The following MPHOSPH8 variants were observed in gnomAD, a reference collection of about 807,000 sequenced individuals.
MPHOSPH8 encodes M-phase phosphoprotein 8.
MPHOSPH8 carries 45 observed loss-of-function variants against 87.3 expected under a neutral mutation model. That is an observed-to-expected ratio of 0.52 (90% confidence interval 0.41 to 0.66). The LOEUF (loss-of-function observed/expected upper bound fraction) is 0.66. Among genes scored for constraint, MPHOSPH8 ranks in the 30% least tolerant of loss-of-function variants. The probability of loss-of-function intolerance (pLI) is 0.00; values close to 1 mark genes in which losing one functional copy is unlikely to be tolerated. For synonymous variants in MPHOSPH8, 366 were observed against 376.9 expected (o/e 0.97, Z 0.33); for missense variants, 883 against 1,020.2 (o/e 0.87, Z 1.83).
intron 3 of MPHOSPH8, among the ~76,000 whole-genome samples, chr13:19,647,566 C>G (rs1874634240): frequency 6.6e-6 from 1 of 152,134 alleles, no homozygotes; most frequent in Admixed American, 6.6e-5. Context: ...ATTGTATACT[C>G]AGGTTTATAG....
At chr13:19,669,047 G>C (rs184787821) in intron 11 of MPHOSPH8, among the ~76,000 whole-genome samples, 1 of 152,210 alleles carries the variant, frequency 6.6e-6, no homozygotes, top group East Asian at 1.9e-4. Context: ...CCGGGCTCTG[G>C]CTTTTTTTGC....
At chr13:19,648,604 A>T (rs920751789) in intron 4 of MPHOSPH8, 83 bp downstream of exon 4, 1 of 560,872 alleles carries the variant, frequency 1.8e-6, no homozygotes, top group Non-Finnish European at 2.7e-6. Context: ...TTATATAAAA[A>T]TTTATATAAT....
At chr13:19,670,091 CAGCCTCCTCTG>C (rs748675936) in intron 11 of MPHOSPH8, 134 bp from the exon 12 acceptor site, 1 of 909,214 alleles carries the variant, frequency 1.1e-6, no homozygotes, top group Non-Finnish European at 1.7e-6. Flanking sequence ...TTGAGAGGGC[CAGCCTCCTCTG>C]AGCCTCCAGG....
intron 5 of MPHOSPH8, among the ~76,000 whole-genome samples, chr13:19,657,243 C>T (rs906496445): frequency 2.0e-5 from 3 of 150,810 alleles, no homozygotes; most frequent in South Asian, 4.2e-4. Flanking sequence ...GGTCCAGGCA[C>T]GGTGGTTCAC....
In MPHOSPH8 at chr13:19,647,193, G is replaced by C. The variant is rs1874614513; in HGVS notation, c.1120G>C (p.Glu374Gln). 3 of 1,614,212 alleles carry C rather than the reference G, an allele frequency of 1.9e-6. No homozygotes were observed. The highest frequency in any genetic ancestry group is 2.5e-6 in the Non-Finnish European group (3 of 1,180,040). Residue 374 changes from glutamate (E) to glutamine (Q), a missense_variant, in exon 3 of 14, where the codon GAG becomes CAG. By Grantham distance (29) the Glu-to-Gln change is conservative. Around this residue, in one of 3 missense-constraint regions of MPHOSPH8, gnomAD observed 741 missense variants for 841.5 expected, o/e 0.88. Transcript: ENST00000361479. ...RNQDRSKSAA[E>Q]LEKLMPVSAQ... ...TCAAGACAGAAGCAAAAGTGCTGCA[G>C]AGTTAGAGAAGCTGATGCCTGTATC...
chr13:19,659,131 T>C lies in MPHOSPH8; in HGVS notation c.1702+11T>C, dbSNP rs762558642. 19 of 1,612,040 alleles carry C rather than the reference T, an allele frequency of 1.2e-5. No individual in the cohort carries two copies. Among genetic ancestry groups the C allele is most frequent in the South Asian group, 1.1e-4 (10 of 90,340 alleles). Reference sequence around the variant, plus strand: ...ATGCAATTCCAAGTAGTGAGTAGTTTTGGAAATATTGAAATCCCTTTCACA... The same window carrying C: ...ATGCAATTCCAAGTAGTGAGTAGTTCTGGAAATATTGAAATCCCTTTCACA... On this transcript the variant is annotated intron_variant, in intron 6 of 13. Transcript: ENST00000361479.
intron 5 of MPHOSPH8, 76 bp downstream of exon 5, chr13:19,650,336 C>T: frequency 6.9e-7 from 1 of 1,449,438 alleles, no homozygotes; most frequent in Non-Finnish European, 9.3e-7. Context: ...CTCTGTATTT[C>T]TGATCTCAAC....
Position 19,668,435 on chromosome 13 carries a change from C to T in MPHOSPH8, c.2233C>T (p.Leu745=). The change falls in exon 11 of 14, where the codon CTA becomes TTA. Residue 745 remains leucine (L), a synonymous_variant. Transcript: ENST00000361479. ...TTACTTTGAAGCTCGCCTTGCTCTG[C>T]TAGAACCAGTTTTTCCAATCGCATG... ...KDYFEARLAL[L]EPVFPIACHR... is the part of the protein sequence containing the mutation. 6.2e-7 allele frequency: 1 copy of T among 1,614,024 alleles called. No homozygotes were observed.
rs116081381 is a variant in MPHOSPH8, at chr13:19,655,632, C to T, written c.1577-3363C>T. On this transcript the variant is annotated intron_variant, in intron 5 of 13. Coordinates refer to ENST00000361479, the MANE Select transcript of MPHOSPH8 (RefSeq NM_017520.4). ...CTCCTGGGTTCCAGTGATCCACTTG[C>T]CTCAGCCTCCCAGTGTGCTGGGACT... Among the ~76,000 whole-genome samples the T allele has an allele frequency of 8.6e-3, 1,314 of 152,326 alleles. 23 individuals are homozygous for T. The highest frequency in any genetic ancestry group is 0.03 in the African/African-American group (1,257 of 41,572).
chr13:19,647,193 G>A lies in MPHOSPH8; in HGVS notation c.1120G>A (p.Glu374Lys). ...TCAAGACAGAAGCAAAAGTGCTGCA[G>A]AGTTAGAGAAGCTGATGCCTGTATC... ...RNQDRSKSAA[E>K]LEKLMPVSAQ... The change falls in exon 3 of 14, where the codon GAG (glutamate) becomes AAG (lysine). Residue 374 changes from glutamate to lysine, a missense_variant. This residue lies in a region of MPHOSPH8 where 741 missense variants were observed against 841.5 expected (regional missense o/e 0.88). Coordinates refer to ENST00000361479, the MANE Select transcript of MPHOSPH8 (RefSeq NM_017520.4). 1 of 1,614,212 alleles carries A rather than the reference G, an allele frequency of 6.2e-7. No homozygotes were observed. Among genetic ancestry groups the A allele is most frequent in the Non-Finnish European group, 8.5e-7 (1 of 1,180,040 alleles).
chr13:19,637,015 G>A (rs1384483899), intron 1 of MPHOSPH8, among the ~76,000 whole-genome samples: 4 of 152,146 alleles, frequency 2.6e-5, no homozygotes, highest in Admixed American at 1.3e-4. Context: ...ATACAAAGAC[G>A]TGGAATTCAG....
At chr13:19,641,567 AC>A (rs997733569) in intron 1 of MPHOSPH8, among the ~76,000 whole-genome samples, 58 of 136,516 alleles carry the variant, frequency 4.2e-4, no homozygotes, top group African/African-American at 1.5e-3. Flanking sequence ...ATCTTGGCTC[AC>A]TGCAACCTCT....
chr13:19,659,354 T>C, intron 7 of MPHOSPH8, 65 bp downstream of exon 7: 2 of 1,290,702 alleles, frequency 1.5e-6, no homozygotes, highest in Non-Finnish European at 2.2e-6. Context: ...GAATTCAGTT[T>C]AACTTTTCAT....
chr13:19,647,244 T>C lies in MPHOSPH8; in HGVS notation c.1171T>C (p.Leu391=). 1 of 1,612,216 alleles carries C rather than the reference T, an allele frequency of 6.2e-7. No individual in the cohort carries two copies. Among genetic ancestry groups the C allele is most frequent in the Non-Finnish European group, 8.5e-7 (1 of 1,179,538 alleles). ...TGCCCAAACGCCAAAGGGCCGGAGG[T>C]TGAGCGGGGAAGAGAGAGGCCTCTG... ...VSAQTPKGRR[L]SGEERGLWST... is the part of the protein sequence containing the mutation. Residue 391 remains leucine (L), a synonymous_variant, in exon 3 of 14, where the codon TTG becomes CTG. Coordinates refer to ENST00000361479, the MANE Select transcript of MPHOSPH8 (RefSeq NM_017520.4).
chr13:19,641,698 G>C (rs1261441481), intron 1 of MPHOSPH8, among the ~76,000 whole-genome samples: 1 of 152,010 alleles, frequency 6.6e-6, no homozygotes, highest in Non-Finnish European at 1.5e-5. Context: ...GTTTCACCAT[G>C]TTGGCCAGGC....
chr13:19,635,623 T>A (rs1318090027), intron 1 of MPHOSPH8, among the ~76,000 whole-genome samples: 1 of 152,196 alleles, frequency 6.6e-6, no homozygotes, highest in African/African-American at 2.4e-5. Context: ...CCTCAAAGAA[T>A]TGTAAGCACT....
chr13:19,666,657 G>A lies in MPHOSPH8; in HGVS notation c.2174+78G>A, dbSNP rs1048612411. 10 of 1,366,184 alleles carry A rather than the reference G, an allele frequency of 7.3e-6. No homozygotes were observed. The African/African-American group carries it at 1.4e-4, about 19-fold the overall frequency. 84.6% of individuals were successfully genotyped at this position (1,366,184 alleles called of 1,614,324 possible). On this transcript the variant is annotated intron_variant, in intron 10 of 13. Transcript: ENST00000361479. ...ATGTAGACATATTATAATTGGAGTG[G>A]CCTGTGTGTAACTGCTCAGAAAAAC...
intron 5 of MPHOSPH8, among the ~76,000 whole-genome samples, chr13:19,658,055 A>G (rs1458923702): frequency 6.6e-6 from 1 of 152,202 alleles, no homozygotes; most frequent in Non-Finnish European, 1.5e-5. Flanking sequence ...GGCTTTCACT[A>G]TTACCATTGC....
intron 1 of MPHOSPH8, among the ~76,000 whole-genome samples, chr13:19,640,118 A>G (rs1048640727): frequency 4.0e-5 from 6 of 151,864 alleles, no homozygotes; most frequent in Non-Finnish European, 8.8e-5. Flanking sequence ...ACCAAAAAGA[A>G]AAAAAAAGCT....
Sources: allele counts gnomAD v4.1 joint callset (sites outside exome capture counted in the v4.1 genomes callset), GRCh38; gene constraint gnomAD v4.1.1; regional missense constraint gnomAD v4.1.1; transcripts MANE v1.5; gene names NCBI Gene and HGNC (gene_info 2026-07-23, HGNC 2026-07-21).